RTCB: variants seen among roughly 807,000 people sequenced by gnomAD.
RTCB encodes RNA 2',3'-cyclic phosphate and 5'-OH ligase, also known as RNA-splicing ligase RTCB.
A neutral mutation model predicts 58.2 loss-of-function variants in RTCB; 32 were observed. That is an observed-to-expected ratio of 0.55 (90% CI 0.41 to 0.74). RTCB has a LOEUF of 0.74. Among genes scored for constraint, RTCB ranks in the 30% least tolerant of loss-of-function variants. The pLI is 0.00. For missense variants in RTCB, 523 were observed against 639.0 expected (o/e 0.82, Z 1.96); for synonymous variants, 247 against 218.6 (o/e 1.13, Z -1.15).
chr22:32,407,106 G>T (rs1933438766), intron 3 of RTCB, among the ~76,000 whole-genome samples: 1 of 152,132 alleles, frequency 6.6e-6, no homozygotes, highest in Admixed American at 6.5e-5. Context: ...TGGTTTGTCA[G>T]GTTAAGAAGA....
chr22:32,389,956 A>G (rs117785320), intron 11 of RTCB, among the ~76,000 whole-genome samples: 1 of 151,872 alleles, frequency 6.6e-6, no homozygotes, highest in Non-Finnish European at 1.5e-5. Flanking sequence ...TTTCTTGAAC[A>G]CTCCTTCATA....
intron 10 of RTCB, chr22:32,392,624 T>C (rs1933174592): frequency 7.2e-6 from 4 of 554,232 alleles, no homozygotes; most frequent in Admixed American, 5.8e-5. Flanking sequence ...TAAATGCCAA[T>C]AGCAACTCCC....
intron 11 of RTCB, among the ~76,000 whole-genome samples, chr22:32,391,322 C>T (rs1391228349): frequency 6.6e-6 from 1 of 151,462 alleles, no homozygotes; most frequent in Non-Finnish European, 1.5e-5. Context: ...AAAATAACTA[C>T]AGAATGTTTC....
intron 4 of RTCB, among the ~76,000 whole-genome samples, chr22:32,403,281 C>G (rs1439418191): frequency 6.6e-6 from 1 of 151,986 alleles, no homozygotes; most frequent in Non-Finnish European, 1.5e-5. Flanking sequence ...GTGGCGGGTG[C>G]CTGTAGTCCC....
At chr22:32,402,139 C>A (rs1162795307) in intron 4 of RTCB, among the ~76,000 whole-genome samples, 2 of 152,162 alleles carry the variant, frequency 1.3e-5, no homozygotes, top group Non-Finnish European at 2.9e-5. Flanking sequence ...CATTGAGTAA[C>A]ATGTAAAACA....
Position 32,406,684 on chromosome 22 carries a change from G to A in RTCB, c.318C>T (p.Asp106=). The A allele has an allele frequency of 6.2e-7, 1 of 1,611,672 alleles. No homozygotes were observed. Among genetic ancestry groups the A allele is most frequent in the South Asian group, 1.1e-5 (1 of 91,052 alleles). Reference sequence around the variant, plus strand: ...TACCTGGGGATACTACTGCTTCAGGGTCATTCATATCAAAGGCTGCCATGT... The same window carrying A: ...TACCTGGGGATACTACTGCTTCAGGATCATTCATATCAAAGGCTGCCATGT... ...IGNMAAFDMN[D]PEAVVSPGGV... The change falls in exon 4 of 12, where the codon GAC becomes GAT. Residue 106 remains aspartate, a synonymous_variant. Coordinates refer to ENST00000216038, the MANE Select transcript of RTCB (RefSeq NM_014306.5).
intron 3 of RTCB, chr22:32,407,376 C>A (rs1357876533): frequency 6.5e-6 from 1 of 153,058 alleles, no homozygotes; most frequent in African/African-American, 2.4e-5. Flanking sequence ...TCAAAAATGT[C>A]TGCCGAATAG....
chr22:32,408,731 C>G, intron 2 of RTCB, 24 bp downstream of exon 2: 2 of 1,566,080 alleles, frequency 1.3e-6, no homozygotes, highest in Non-Finnish European at 1.8e-6. Context: ...CGTACTAACA[C>G]AAGTGAAACT....
chr22:32,412,040 C>G (rs1933536367), intron 1 of RTCB, 24 bp downstream of exon 1: 3 of 1,583,936 alleles, frequency 1.9e-6, no homozygotes, highest in Non-Finnish European at 2.6e-6. Flanking sequence ...ACGGAAGGCC[C>G]CGCCATTTGC....
chr22:32,411,019 T>C (rs1933512670), intron 1 of RTCB, among the ~76,000 whole-genome samples: 1 of 152,188 alleles, frequency 6.6e-6, no homozygotes, highest in Non-Finnish European at 1.5e-5. Flanking sequence ...CTATGTTAGA[T>C]TTTCTATTCC....
At position 32,392,261 on chromosome 22, in the gene RTCB, T is replaced by C. The variant is rs13110; in HGVS notation, c.1389A>G (p.Ser463=). 2 of 1,612,000 alleles carry C rather than the reference T, an allele frequency of 1.2e-6. No individual in the cohort carries two copies. Among genetic ancestry groups the C allele is most frequent in the Non-Finnish European group, 1.7e-6 (2 of 1,179,452 alleles). ...ADMGIAIRVA[S]PKLVMEEAPE... ...TTACCTCTTCCATAACCAGTTTGGGTGAGGCAACACGGATCGCAATTCCCA... is the reference window on the plus strand; with the variant it reads ...TTACCTCTTCCATAACCAGTTTGGGCGAGGCAACACGGATCGCAATTCCCA... The change falls in exon 11 of 12, where the codon TCA becomes TCG. Residue 463 remains serine (S), a synonymous_variant. Coordinates refer to ENST00000216038, the MANE Select transcript of RTCB (RefSeq NM_014306.5).
At position 32,388,090 on chromosome 22, in the gene RTCB, A is replaced by C. The variant is rs1269385970; in HGVS notation, c.1420T>G (p.Ser474Ala). ...PKLVMEEAPESYKNVTDVVNT... is the reference protein window; with the variant it reads ...PKLVMEEAPEAYKNVTDVVNT... ...ACCACATCTGTCACATTCTTATAGGACTCAGGAGCCTGCAGGAGAGGAATT... is the reference window on the plus strand; with the variant it reads ...ACCACATCTGTCACATTCTTATAGGCCTCAGGAGCCTGCAGGAGAGGAATT... The change falls in exon 12 of 12, where the codon TCC becomes GCC. Residue 474 changes from serine to alanine, a missense_variant. Ser to Ala is a moderately conservative substitution (Grantham distance 99). Around this residue, in one of 3 missense-constraint regions of RTCB, gnomAD observed 248 missense variants for 292.5 expected, o/e 0.85. Transcript: ENST00000216038. 1.2e-6 allele frequency: 2 copies of C among 1,609,274 alleles called. No individual in the cohort carries two copies. Among genetic ancestry groups the C allele is most frequent in the Non-Finnish European group, 1.7e-6 (2 of 1,175,832 alleles).
chr22:32,391,923 T>C (rs960423151), intron 11 of RTCB, among the ~76,000 whole-genome samples: 3 of 152,236 alleles, frequency 2.0e-5, no homozygotes, highest in African/African-American at 7.2e-5. Flanking sequence ...GCTTTCAAAT[T>C]GAAACCTAAG....
At position 32,387,644 on chromosome 22, in the gene RTCB, C is replaced by G. The variant is rs1051273430; in HGVS notation, c.*348G>C. 4.5e-6 allele frequency: 1 copy of G among 221,496 alleles called. No individual in the cohort carries two copies. Among genetic ancestry groups the G allele is most frequent in the Non-Finnish European group, 9.0e-6 (1 of 110,512 alleles). 13.7% of individuals were successfully genotyped at this position (221,496 alleles called of 1,614,324 possible). A position where few individuals can be genotyped will look rare whatever the true frequency, so the allele number is the denominator to read the frequency against. On this transcript the variant is annotated 3_prime_UTR_variant, in exon 12 of 12. Coordinates refer to ENST00000216038, the MANE Select transcript of RTCB (RefSeq NM_014306.5). ...GACACCTCTCGGAATGTAAACAGAGCTTGGTGTGAAGAAGATCAATCTGAT... is the reference window on the plus strand; with the variant it reads ...GACACCTCTCGGAATGTAAACAGAGGTTGGTGTGAAGAAGATCAATCTGAT...
At chr22:32,399,882 G>T in intron 5 of RTCB, 123 bp from the exon 6 acceptor site, 1 of 866,526 alleles carries the variant, frequency 1.2e-6, no homozygotes, top group South Asian at 2.8e-5. Context: ...TCCAAGCCTT[G>T]AGTCAGATAC....
intron 2 of RTCB, 150 bp from the exon 3 acceptor site, chr22:32,408,392 G>T: frequency 1.5e-6 from 1 of 668,478 alleles, no homozygotes; most frequent in Non-Finnish European, 2.6e-6. Context: ...ATGCAAGATG[G>T]AAGGGAGCTC....
intron 4 of RTCB, among the ~76,000 whole-genome samples, chr22:32,403,417 GA>G (rs1051687075): frequency 1.3e-5 from 2 of 150,214 alleles, no homozygotes; most frequent in Non-Finnish European, 3.0e-5. Context: ...AAAAAAAAAA[GA>G]AAAAAAAACC....
At position 32,393,877 on chromosome 22, in the gene RTCB, T is replaced by G. The variant is rs769289884; in HGVS notation, c.1290+15A>C. On this transcript the variant is annotated intron_variant, in intron 10 of 11. Coordinates refer to ENST00000216038, the MANE Select transcript of RTCB (RefSeq NM_014306.5). ...CTGAAGAGAGCATTTCTAAGGAAGTTTCTGTTTTCCTTACCGCTCCATGAC... is the reference window on the plus strand; with the variant it reads ...CTGAAGAGAGCATTTCTAAGGAAGTGTCTGTTTTCCTTACCGCTCCATGAC... 6 of 1,560,562 alleles carry G rather than the reference T, an allele frequency of 3.8e-6. No homozygotes were observed. The highest frequency in any genetic ancestry group is 5.3e-6 in the Non-Finnish European group (6 of 1,131,204).
rs1186315346 is a variant in RTCB, at chr22:32,401,987, G to GA, written c.341-85dup. On this transcript the variant is annotated intron_variant, in intron 4 of 11. Transcript: ENST00000216038. ...CTCGCCATTAATATGGAACTATAAA[G>GA]ATACCCATTCTTTTAAAGATAACTA... 7 of 1,335,274 alleles carry GA rather than the reference G, an allele frequency of 5.2e-6. No homozygotes were observed. The East Asian group carries it at 1.7e-4, about 32-fold the overall frequency. The allele number at this position is 1,335,274 out of a possible 1,614,324, so 82.7% of individuals were successfully genotyped here. A position where few individuals can be genotyped will look rare whatever the true frequency, so the allele number is the denominator to read the frequency against.
Sources: gnomAD v4.1 joint callset for allele counts (sites outside exome capture counted in the v4.1 genomes callset) on GRCh38, gnomAD v4.1.1 for gene constraint, gnomAD v4.1.1 regional missense constraint, MANE v1.5 for transcripts, NCBI Gene and HGNC (gene_info 2026-07-23, HGNC 2026-07-21) for gene names.